Variants in ATP10B observed in about 807,000 individuals in gnomAD.
The protein encoded by ATP10B is phospholipid-transporting ATPase VB.
In ATP10B, 122 loss-of-function variants were observed where a neutral mutation model predicts 141.2. That is an observed-to-expected ratio of 0.86 (90% CI 0.75 to 1.00). The LOEUF is 1.00. Ranked by LOEUF, ATP10B falls within the 50% of genes least tolerant of loss-of-function variation. The pLI, the probability that ATP10B is intolerant of heterozygous loss-of-function variation, is 0.00. For missense variants in ATP10B, 1,876 were observed against 1,825.3 expected, an observed-to-expected ratio of 1.03 and a Z score of -0.51; for synonymous variants, 685 against 692.0, an observed-to-expected ratio of 0.99 and a Z score of 0.16.
In ATP10B at chr5:160,670,486, C is replaced by A. The variant is rs1762611373; in HGVS notation, c.652G>T (p.Val218Phe). 1 of 1,613,906 alleles carries A rather than the reference C, an allele frequency of 6.2e-7. No individual in the cohort carries two copies. The highest frequency in any genetic ancestry group is 1.3e-5 in the African/African-American group (1 of 74,878). Residue 218 changes from valine to phenylalanine, a missense_variant, in exon 7 of 26, where the codon GTC becomes TTC. Val to Phe is a conservative substitution (Grantham distance 50). Transcript: ENST00000327245. ...ACCTGCTGTGAGAAGCCCTTCACGA[C>A]ACATCTTTGCTTGAGGTTTGTCTCT... ...DGETNLKQRCVVKGFSQQEVQ... is the reference protein window; with the variant it reads ...DGETNLKQRCFVKGFSQQEVQ...
chr5:160,630,628 C>T (rs1289426809), intron 13 of ATP10B, among the ~76,000 whole-genome samples: 2 of 152,116 alleles, frequency 1.3e-5, no homozygotes, highest in Non-Finnish European at 2.9e-5. Context: ...AAGTGCATTA[C>T]ATTTATGGGG....
Position 160,766,466 on chromosome 5 carries a change from C to T in ATP10B, c.-331+19093G>A, listed in dbSNP as rs1200470287. ...CAGCAACCTGAACGGAGTTGGAGAA[C>T]ATTATTCTAAGTAGGTAACTCGGTA... On this transcript the variant is annotated intron_variant, in intron 2 of 25. Coordinates refer to ENST00000327245, the MANE Select transcript of ATP10B (RefSeq NM_025153.3). Among the ~76,000 whole-genome samples the T allele has an allele frequency of 2.6e-5, 4 of 151,106 alleles. No individual in the cohort carries two copies. The East Asian group carries it at 7.7e-4, about 29-fold the overall frequency.
the ATP10B span, among the ~76,000 whole-genome samples, chr5:160,862,993 G>GT: frequency 1.3e-5 from 2 of 151,952 alleles, no homozygotes; most frequent in African/African-American, 4.8e-5. Context: ...GTTCAAGAAG[G>GT]TTGTAATTTA....
chr5:160,666,680 G>A (rs1370951361), intron 7 of ATP10B, among the ~76,000 whole-genome samples: 4 of 152,164 alleles, frequency 2.6e-5, no homozygotes, highest in Non-Finnish European at 4.4e-5. Flanking sequence ...CCAGAAGCGA[G>A]TTCTATCCAT....
intron 2 of ATP10B, among the ~76,000 whole-genome samples, chr5:160,744,287 C>G (rs1767662320): frequency 6.6e-6 from 1 of 152,154 alleles, no homozygotes; most frequent in South Asian, 2.1e-4. Context: ...TGCTGTGTCC[C>G]TTGCATCTCC....
chr5:160,919,693 A>C, the ATP10B span, among the ~76,000 whole-genome samples: 1 of 152,194 alleles, frequency 6.6e-6, no homozygotes, highest in Non-Finnish European at 1.5e-5. Context: ...CTGTCATGTC[A>C]ATGGAAGGGA....
At chr5:160,645,947 C>G (rs1452181898) in intron 8 of ATP10B, among the ~76,000 whole-genome samples, 8 of 152,088 alleles carry the variant, frequency 5.3e-5, no homozygotes, top group Non-Finnish European at 2.9e-5. Flanking sequence ...TAGTCTGGCC[C>G]CAGAGTGCTA....
At chr5:160,608,118 C>G (rs1036774316) in intron 18 of ATP10B, among the ~76,000 whole-genome samples, 2 of 152,052 alleles carry the variant, frequency 1.3e-5, no homozygotes, top group Non-Finnish European at 2.9e-5. Context: ...CTGATGTTCC[C>G]CCACCCTGTG....
At chr5:160,890,883 TTA>T in the ATP10B span, among the ~76,000 whole-genome samples, 2 of 152,186 alleles carry the variant, frequency 1.3e-5, no homozygotes, top group African/African-American at 4.8e-5. Context: ...CAATTGTTTT[TTA>T]TGTTTTGTAG....
At chr5:160,654,082 A>T (rs4377739) in intron 7 of ATP10B, among the ~76,000 whole-genome samples, 1,525 of 7,772 alleles carry the variant, frequency 0.2, 591 homozygotes, top group Middle Eastern at 0.6. Flanking sequence ...TATACATATA[A>T]ATATATGTTG....
At chr5:160,828,424 G>A (rs1333980389) in intron 1 of ATP10B, among the ~76,000 whole-genome samples, 1 of 152,092 alleles carries the variant, frequency 6.6e-6, no homozygotes, top group Admixed American at 6.5e-5. Flanking sequence ...CTCAAAAGAA[G>A]ACATTGATGC....
intron 6 of ATP10B, chr5:160,685,137 C>A (rs1763670396): frequency 1.4e-6 from 1 of 699,218 alleles, no homozygotes; most frequent in Non-Finnish European, 2.6e-6. Context: ...CTTTGTGAGA[C>A]CATCCTTCAA....
chr5:160,708,895 T>C (rs1049394320), intron 3 of ATP10B, among the ~76,000 whole-genome samples: 3 of 152,160 alleles, frequency 2.0e-5, no homozygotes, highest in Non-Finnish European at 4.4e-5. Context: ...GAGACTGAGA[T>C]TCAGACAGTG....
chr5:160,893,904 G>T, the ATP10B span, among the ~76,000 whole-genome samples: 14,965 of 152,246 alleles, frequency 0.098, 837 homozygotes, highest in Non-Finnish European at 0.12. Flanking sequence ...GGCAAACAGG[G>T]TCTGGAGTGG....
rs74683668 is a variant in ATP10B, at chr5:160,679,272, T to C, written c.470+6807A>G. Reference sequence around the variant, plus strand: ...AAAGCTGTTTATTTTAGCAGCTGCCTGACTTACAGAAGACAGATGCTCCAA... The same window carrying C: ...AAAGCTGTTTATTTTAGCAGCTGCCCGACTTACAGAAGACAGATGCTCCAA... On this transcript the variant is annotated intron_variant, in intron 6 of 25. Coordinates refer to ENST00000327245, the MANE Select transcript of ATP10B (RefSeq NM_025153.3). Among the ~76,000 whole-genome samples, 533 of 152,364 alleles carry C rather than the reference T, an allele frequency of 3.5e-3. 5 individuals carry two copies. Among genetic ancestry groups the C allele is most frequent in the African/African-American group, 0.012 (519 of 41,588 alleles).
In ATP10B at chr5:160,640,554, G is replaced by A. The variant is rs374951245; in HGVS notation, c.907C>T (p.Arg303Trp). The A allele has an allele frequency of 6.2e-6, 10 of 1,613,746 alleles. No individual in the cohort carries two copies. Among genetic ancestry groups the A allele is most frequent in the African/African-American group, 4.0e-5 (3 of 74,904 alleles). The change falls in exon 10 of 26, where the codon CGG (arginine) becomes TGG (tryptophan). Residue 303 changes from arginine (R) to tryptophan (W), a missense_variant. Physicochemically the swap from Arg to Trp is moderately radical, Grantham distance 101. Transcript: ENST00000327245. ...CGCTCAATCTTGCTGCGTTTGTACC[G>A]GGGGCCACTGTTGTTCAGCATGGCT... ...TKAMLNNSGP[R>W]YKRSKIERRM...
chr5:160,907,602 C>A, the ATP10B span, among the ~76,000 whole-genome samples: 4 of 152,132 alleles, frequency 2.6e-5, no homozygotes, highest in African/African-American at 9.7e-5. Context: ...CTCAAGCAAT[C>A]CTCTTGCTCT....
intron 2 of ATP10B, among the ~76,000 whole-genome samples, chr5:160,755,968 T>G (rs1581472179): frequency 6.7e-6 from 1 of 148,722 alleles, no homozygotes; most frequent in African/African-American, 2.5e-5. Flanking sequence ...AAGTGAACAA[T>G]CTGATGAGTT....
intron 1 of ATP10B, among the ~76,000 whole-genome samples, chr5:160,848,256 G>A (rs1776244131): frequency 6.6e-6 from 1 of 152,170 alleles, no homozygotes; most frequent in South Asian, 2.1e-4. Flanking sequence ...AGTGAGATTT[G>A]AGAGAATAAG....
Sources: allele counts gnomAD v4.1 joint callset (sites outside exome capture counted in the v4.1 genomes callset), GRCh38; gene constraint gnomAD v4.1.1; transcripts MANE v1.5; gene names NCBI Gene and HGNC (gene_info 2026-07-23, HGNC 2026-07-21).